The following ATP2A2 variants were observed in gnomAD, a reference collection of about 807,000 sequenced individuals.
ATP2A2 encodes the protein sarcoplasmic/endoplasmic reticulum calcium ATPase 2.
In ATP2A2, 14 loss-of-function variants were observed where a neutral mutation model predicts 109.3. The observed-to-expected ratio is 0.13, with a 90% CI of 0.08 to 0.20. The LOEUF is 0.20. Ranked by LOEUF, ATP2A2 falls within the 10% of genes least tolerant of loss-of-function variation. The pLI, the probability that ATP2A2 is intolerant of heterozygous loss-of-function variation, is 1.00. For synonymous variants in ATP2A2, 506 were observed against 490.9 expected (o/e 1.03, Z -0.41); for missense variants, 657 against 1,321.6 (o/e 0.50, Z 7.80).
chr12:110,287,261 AT>A (rs1219737525), intron 3 of ATP2A2, among the ~76,000 whole-genome samples: 9 of 150,450 alleles, frequency 6.0e-5, no homozygotes, highest in South Asian at 2.1e-4. Context: ...TCAAAAAAAA[AT>A]TTTTTTTTTG....
chr12:110,345,979 C>T, intron 18 of ATP2A2, 22 bp from the exon 19 acceptor site: 4 of 1,613,312 alleles, frequency 2.5e-6, no homozygotes, highest in Non-Finnish European at 3.4e-6. Flanking sequence ...GGTGCGTTTC[C>T]CCACCTCTCC....
chr12:110,296,393 A>AT, intron 4 of ATP2A2: 6 of 623,504 alleles, frequency 9.6e-6, no homozygotes, highest in Non-Finnish European at 1.1e-5. Context: ...CCTTAGCTTA[A>AT]TTGAGGGTAC....
rs753868949 is a variant in ATP2A2, at chr12:110,340,889, C to G, written c.1992C>G (p.Ala664=). 2 of 1,614,218 alleles carry G rather than the reference C, an allele frequency of 1.2e-6. No homozygotes were observed. The highest frequency in any genetic ancestry group is 2.2e-5 in the South Asian group (2 of 91,084). The part of the protein sequence containing the change: ...GREFDELNPS[A]QRDACLNARC... ...AGTTTGATGAACTCAACCCCTCCGCCCAGCGAGACGCCTGCCTGAACGCCC... is the reference window on the plus strand; with the variant it reads ...AGTTTGATGAACTCAACCCCTCCGCGCAGCGAGACGCCTGCCTGAACGCCC... The change falls in exon 14 of 20, where the codon GCC becomes GCG. Residue 664 remains alanine, a synonymous_variant. Coordinates refer to ENST00000539276, the MANE Select transcript of ATP2A2 (RefSeq NM_170665.4). The surrounding 1 kb of genome is among the most constrained non-coding windows in gnomAD (Gnocchi z 6.0).
In ATP2A2 at chr12:110,346,422, C is replaced by G. The variant is rs956554489; in HGVS notation, c.3081C>G (p.Ile1027Met). Reference protein sequence around the residue: ...PFVLLIMPLVIWVYSTDTNFS... With the variant: ...PFVLLIMPLVMWVYSTDTNFS... Reference sequence around the variant, plus strand: ...TGCTGCTCATAATGCCCCTGGTGATCTGGGTCTATAGCACAGACACTAACT... The same window carrying G: ...TGCTGCTCATAATGCCCCTGGTGATGTGGGTCTATAGCACAGACACTAACT... Residue 1027 changes from isoleucine to methionine, a missense_variant, in exon 20 of 20, where the codon ATC becomes ATG. Ile to Met is a conservative substitution (Grantham distance 10). Around this residue, in one of 9 missense-constraint regions of ATP2A2, gnomAD observed 53 missense variants for 61.2 expected, o/e 0.87. Coordinates refer to ENST00000539276, the MANE Select transcript of ATP2A2 (RefSeq NM_170665.4). 1 of 1,614,224 alleles carries G rather than the reference C, an allele frequency of 6.2e-7. No individual in the cohort carries two copies. The highest frequency in any genetic ancestry group is 8.5e-7 in the Non-Finnish European group (1 of 1,180,044).
chr12:110,284,385 A>G (rs1437706703), intron 3 of ATP2A2, among the ~76,000 whole-genome samples: 1 of 152,210 alleles, frequency 6.6e-6, no homozygotes, highest in Admixed American at 6.5e-5. Context: ...TTAAAAATTA[A>G]TCAGCTGACT....
In ATP2A2 at chr12:110,307,271, G is replaced by T. The variant is rs114184958; in HGVS notation, c.463+10534G>T. 5.2e-3 allele frequency among the ~76,000 whole-genome samples: 615 copies of T among 118,820 alleles called. 5 individuals are homozygous for T. Among genetic ancestry groups the T allele is most frequent in the African/African-American group, 0.019 (582 of 30,802 alleles). The allele number at this position is 118,820 out of a possible 152,430, so 78.0% of individuals were successfully genotyped here. Reference sequence around the variant, plus strand: ...TTTTGAGGCAGGATCTCAGTCTGTTGCCCAGGCTGGAACACAGTGGCATGA... The same window carrying T: ...TTTTGAGGCAGGATCTCAGTCTGTTTCCCAGGCTGGAACACAGTGGCATGA... On this transcript the variant is annotated intron_variant, in intron 5 of 19. Transcript: ENST00000539276.
chr12:110,342,474 A>G lies in ATP2A2; in HGVS notation c.2318+26A>G, dbSNP rs1566240329. ...GTAGGTCTCTGTGACAGCATCACTT[A>G]CTGTACGCCTTTATCTAAATGGGTC... On this transcript the variant is annotated intron_variant, in intron 15 of 19. Coordinates refer to ENST00000539276, the MANE Select transcript of ATP2A2 (RefSeq NM_170665.4). The surrounding 1 kb of genome is among the most constrained non-coding windows in gnomAD (Gnocchi z 4.6). The G allele has an allele frequency of 6.2e-7, 1 of 1,607,278 alleles. No homozygotes were observed. Among genetic ancestry groups the G allele is most frequent in the Non-Finnish European group, 8.5e-7 (1 of 1,175,354 alleles).
chr12:110,305,885 T>G (rs1164222492), intron 5 of ATP2A2, among the ~76,000 whole-genome samples: 2 of 151,854 alleles, frequency 1.3e-5, no homozygotes, highest in Non-Finnish European at 2.9e-5. Context: ...TTTTTTTGTT[T>G]TTTTTTTTTA....
At chr12:110,296,559 C>G (rs983612705) in intron 4 of ATP2A2, 40 bp from the exon 5 acceptor site, 5 of 1,613,182 alleles carry the variant, frequency 3.1e-6, no homozygotes, top group Admixed American at 1.7e-5. Context: ...ATTGCAGTGT[C>G]AGGCAGGTCT....
At chr12:110,303,042 T>C (rs973383575) in intron 5 of ATP2A2, among the ~76,000 whole-genome samples, 2 of 152,216 alleles carry the variant, frequency 1.3e-5, no homozygotes, top group African/African-American at 2.4e-5. Context: ...TATTAAATAC[T>C]GTTGTCATAC....
chr12:110,293,641 CT>C (rs1431237726), intron 4 of ATP2A2, among the ~76,000 whole-genome samples: 2 of 151,686 alleles, frequency 1.3e-5, no homozygotes, highest in African/African-American at 2.4e-5. Flanking sequence ...ATGATTCCCC[CT>C]GCCTTGGCCT....
At chr12:110,292,488 T>G in intron 4 of ATP2A2, among the ~76,000 whole-genome samples, 1 of 152,068 alleles carries the variant, frequency 6.6e-6, no homozygotes, top group Non-Finnish European at 1.5e-5. Flanking sequence ...AGGCTGGTCT[T>G]GAGCTCCTGA....
At chr12:110,330,864 T>G (rs1486953408) in intron 8 of ATP2A2, 1 of 152,216 alleles carries the variant, frequency 6.6e-6, no homozygotes, top group East Asian at 1.9e-4. Flanking sequence ...GTCAAAAATG[T>G]CTAAGTACAT....
At chr12:110,286,061 T>C (rs1329200987) in intron 3 of ATP2A2, among the ~76,000 whole-genome samples, 1 of 152,036 alleles carries the variant, frequency 6.6e-6, no homozygotes, top group Non-Finnish European at 1.5e-5. Context: ...GTAGCTGGGA[T>C]TACAGATGTC....
Position 110,347,734 on chromosome 12 carries a change from A to T in ATP2A2, c.*1264A>T. ...GAGTCTCACCAACAGTGTGTAAGTC[A>T]TTAACAGTCCTAACTGTGGTGTTTT... On this transcript the variant is annotated 3_prime_UTR_variant, in exon 20 of 20. Coordinates refer to ENST00000539276, the MANE Select transcript of ATP2A2 (RefSeq NM_170665.4). 1 of 1,132,828 alleles carries T rather than the reference A, an allele frequency of 8.8e-7. No homozygotes were observed. Among genetic ancestry groups the T allele is most frequent in the Non-Finnish European group, 1.1e-6 (1 of 913,208 alleles). 70.2% of individuals were successfully genotyped at this position (1,132,828 alleles called of 1,614,324 possible).
At chr12:110,295,344 TAG>T (rs1206466277) in intron 4 of ATP2A2, among the ~76,000 whole-genome samples, 1 of 152,084 alleles carries the variant, frequency 6.6e-6, no homozygotes, top group Non-Finnish European at 1.5e-5. Flanking sequence ...GCATTTTTCG[TAG>T]AGACACTGTC....
chr12:110,322,213 T>C lies in ATP2A2; in HGVS notation c.464-779T>C, dbSNP rs548443765. On this transcript the variant is annotated intron_variant, in intron 5 of 19. Transcript: ENST00000539276. Reference sequence around the variant, plus strand: ...TCCCAGAGGTGTTTCTTTATACCATTGGAAGTTGTCATTTTAGTATGAATT... The same window carrying C: ...TCCCAGAGGTGTTTCTTTATACCATCGGAAGTTGTCATTTTAGTATGAATT... Among the ~76,000 whole-genome samples the C allele has an allele frequency of 2.6e-5, 4 of 152,338 alleles. 1 individual carries two copies. In the South Asian group the frequency reaches 8.3e-4, roughly 32 times the overall value.
intron 5 of ATP2A2, among the ~76,000 whole-genome samples, chr12:110,299,976 G>T (rs1566208371): frequency 6.6e-6 from 1 of 151,636 alleles, no homozygotes. Context: ...GGCTGATCTC[G>T]AACTCCCGAC....
At chr12:110,293,366 C>A (rs375138366) in intron 4 of ATP2A2, among the ~76,000 whole-genome samples, 1 of 116,430 alleles carries the variant, frequency 8.6e-6, no homozygotes, top group African/African-American at 3.5e-5. Context: ...CCACTCCCGG[C>A]CTTTTTTTTT....
Sources: allele counts gnomAD v4.1 joint callset (sites outside exome capture counted in the v4.1 genomes callset), GRCh38; gene constraint gnomAD v4.1.1; regional missense constraint gnomAD v4.1.1; non-coding constraint Gnocchi (gnomAD v3.1); transcripts MANE v1.5; gene names NCBI Gene and HGNC (gene_info 2026-07-23, HGNC 2026-07-21).